The following NEMP1 variants were observed in gnomAD, a reference collection of about 807,000 sequenced individuals.
The protein encoded by NEMP1 is transmembrane protein 194.
NEMP1 carries 29 observed loss-of-function variants against 53.7 expected under a neutral mutation model. The observed-to-expected ratio is 0.54, with a 90% CI of 0.40 to 0.74. The LOEUF (loss-of-function observed/expected upper bound fraction) is 0.74. NEMP1 is among the 30% of genes least tolerant of loss of function. The pLI is 0.00. For synonymous variants in NEMP1, 193 were observed against 192.9 expected (o/e 1.00, Z 0.00); for missense variants, 477 against 528.6 (o/e 0.90, Z 0.96).
Position 57,064,274 on chromosome 12 carries a change from A to T in NEMP1, c.640-89T>A, listed in dbSNP as rs2305349. ...AAAATGGAACTATGATTTTTTTTTT[A>T]AAAAATTCAACCTACTCAAAATGCA... On this transcript the variant is annotated intron_variant, in intron 5 of 8. Coordinates refer to ENST00000300128, the MANE Select transcript of NEMP1 (RefSeq NM_001130963.2). 2.5e-3 allele frequency: 1,869 copies of T among 760,150 alleles called. 16 individuals carry two copies. The Admixed American group carries it at 0.026, about 10-fold the overall frequency. 47.1% of individuals were successfully genotyped at this position (760,150 alleles called of 1,614,324 possible). A position where few individuals can be genotyped will look rare whatever the true frequency, so the allele number is the denominator to read the frequency against.
At position 57,058,564 on chromosome 12, in the gene NEMP1, T is replaced by G. The variant is rs1470123595; in HGVS notation, c.*1315A>C. On this transcript the variant is annotated 3_prime_UTR_variant, in exon 9 of 9. Transcript: ENST00000300128. ...GGGGTACTTTGCAATGGCAAAAGAA[T>G]CTGAAACTAATGCTACTGCAATAAC... 1 of 152,228 alleles carries G rather than the reference T, an allele frequency of 6.6e-6. No individual in the cohort carries two copies. Among genetic ancestry groups the G allele is most frequent in the Non-Finnish European group, 1.5e-5 (1 of 68,046 alleles). 9.4% of individuals were successfully genotyped at this position (152,228 alleles called of 1,614,324 possible).
At chr12:57,060,086 A>C (rs772065071) in intron 8 of NEMP1, 27 bp from the exon 9 acceptor site, 4 of 1,605,768 alleles carry the variant, frequency 2.5e-6, no homozygotes, top group Non-Finnish European at 3.4e-6. Flanking sequence ...AATACTCGTT[A>C]GAAATATCCT....
Position 57,058,423 on chromosome 12 carries a change from A to G in NEMP1, c.*1456T>C, listed in dbSNP as rs2031634453. ...GCCATGACCATCTATCTTCCTGGCTAAGGTAATTACAGACTTTTCCAGGGT... is the reference window on the plus strand; with the variant it reads ...GCCATGACCATCTATCTTCCTGGCTGAGGTAATTACAGACTTTTCCAGGGT... On this transcript the variant is annotated 3_prime_UTR_variant, in exon 9 of 9. Transcript: ENST00000300128. 6.6e-6 allele frequency: 1 copy of G among 152,220 alleles called. No individual in the cohort carries two copies. Among genetic ancestry groups the G allele is most frequent in the South Asian group, 2.1e-4 (1 of 4,832 alleles). The allele number at this position is 152,220 out of a possible 1,614,324, so 9.4% of individuals were successfully genotyped here.
chr12:57,070,608 T>G, intron 3 of NEMP1, 66 bp downstream of exon 3: 1 of 1,380,604 alleles, frequency 7.2e-7, no homozygotes, highest in Non-Finnish European at 1.0e-6. Flanking sequence ...GTCTCACTAA[T>G]TATACCCTTC....
intron 4 of NEMP1, among the ~76,000 whole-genome samples, chr12:57,067,323 CAAA>C (rs1257920660): frequency 3.5e-5 from 3 of 85,686 alleles, no homozygotes; most frequent in African/African-American, 4.5e-5. Context: ...GACTCTGTCT[CAAA>C]AAAAAAAAAA....
chr12:57,064,619 G>C (rs751241313), intron 5 of NEMP1, 27 bp downstream of exon 5: 142 of 1,538,424 alleles, frequency 9.2e-5, no homozygotes, highest in Non-Finnish European at 1.2e-4. Context: ...ATTCATTCTA[G>C]CTGCACATGA....
intron 1 of NEMP1, among the ~76,000 whole-genome samples, chr12:57,083,876 C>T (rs1229216709): frequency 6.6e-6 from 1 of 152,224 alleles, no homozygotes; most frequent in African/African-American, 2.4e-5. Context: ...CAGGTTCAAG[C>T]GATTCTCATG....
At position 57,072,923 on chromosome 12, in the gene NEMP1, AG is replaced by A; in HGVS notation, c.128-12del. ...TTACATCAGTTTCAGCTTTATGCAA[AG>A]AAAGGAAACAAGAATTAAACATAAC... On this transcript the variant is annotated splice_polypyrimidine_tract_variant and intron_variant, in intron 1 of 8. Coordinates refer to ENST00000300128, the MANE Select transcript of NEMP1 (RefSeq NM_001130963.2). 2 of 1,600,026 alleles carry A rather than the reference AG, an allele frequency of 1.2e-6. No homozygotes were observed. The highest frequency in any genetic ancestry group is 2.7e-5 in the African/African-American group (2 of 74,424).
At chr12:57,077,497 T>TCAAA (rs563762944) in intron 1 of NEMP1, among the ~76,000 whole-genome samples, 20 of 151,868 alleles carry the variant, frequency 1.3e-4, no homozygotes, top group African/African-American at 2.4e-4. Flanking sequence ...AAACTCCATC[T>TCAAA]CAAACAAACA....
At chr12:57,087,254 C>T (rs2033029324) in intron 1 of NEMP1, among the ~76,000 whole-genome samples, 1 of 143,880 alleles carries the variant, frequency 7.0e-6, no homozygotes, top group African/African-American at 2.5e-5. Flanking sequence ...CCTCCTTGGG[C>T]GGGCGTCTCC....
chr12:57,083,030 T>A (rs2032893283), upstream of NEMP1, among the ~76,000 whole-genome samples: 1 of 151,688 alleles, frequency 6.6e-6, no homozygotes, highest in African/African-American at 2.4e-5. Context: ...AATAAATAAA[T>A]AAAATAAAAT....
rs898585651 is a variant in NEMP1, at chr12:57,057,002, T to C, written c.*2877A>G. On this transcript the variant is annotated 3_prime_UTR_variant, in exon 9 of 9. Coordinates refer to ENST00000300128, the MANE Select transcript of NEMP1 (RefSeq NM_001130963.2). ...TGCAGTGGCTAACAGGAATTACTTA[T>C]TAGAAGGTAATGAAGTTGCTAAATT... The C allele has an allele frequency of 6.6e-6, 1 of 152,206 alleles. No individual in the cohort carries two copies. The highest frequency in any genetic ancestry group is 2.4e-5 in the African/African-American group (1 of 41,446). The allele number at this position is 152,206 out of a possible 1,614,324, so 9.4% of individuals were successfully genotyped here. A position where few individuals can be genotyped will look rare whatever the true frequency, so the allele number is the denominator to read the frequency against.
At chr12:57,085,991 A>G (rs2032979236) in intron 1 of NEMP1, among the ~76,000 whole-genome samples, 1 of 152,210 alleles carries the variant, frequency 6.6e-6, no homozygotes, top group South Asian at 2.1e-4. Context: ...TTTCGGCTGA[A>G]ACAAGCAACT....
chr12:57,085,392 T>C (rs1233127403), intron 1 of NEMP1, among the ~76,000 whole-genome samples: 1 of 152,154 alleles, frequency 6.6e-6, no homozygotes, highest in Non-Finnish European at 1.5e-5. Flanking sequence ...TTTGGATGCC[T>C]GTCTAAACCA....
chr12:57,066,238 G>C (rs1358592994), intron 4 of NEMP1, among the ~76,000 whole-genome samples: 1 of 152,122 alleles, frequency 6.6e-6, no homozygotes, highest in African/African-American at 2.4e-5. Context: ...CTGGGCAAGA[G>C]AGCAAGACTC....
chr12:57,072,642 C>A, intron 2 of NEMP1, 146 bp downstream of exon 2: 1 of 840,920 alleles, frequency 1.2e-6, no homozygotes, highest in Non-Finnish European at 1.8e-6. Context: ...TTGATGAAAA[C>A]ACAACTCAGG....
rs771404399 is a variant in NEMP1 at position 57,078,677 on chromosome 12, C to A, written c.69G>T (p.Gly23=). The change falls in exon 1 of 9, where the codon GGG becomes GGT. Residue 23 remains glycine, a synonymous_variant. Coordinates refer to ENST00000300128, the MANE Select transcript of NEMP1 (RefSeq NM_001130963.2). ...VGPGPWGSGV[G]GGGTVRLLLI... ...AGAGTAGCCGCACTGTCCCACCGCC[C>A]CCGACTCCCGAGCCCCAGGGCCCGG... is the stretch of plus-strand genomic sequence containing the variant. The A allele has an allele frequency of 9.3e-6, 15 of 1,613,586 alleles. No individual in the cohort carries two copies. The South Asian group carries it at 1.5e-4, about 17-fold the overall frequency.
chr12:57,062,070 C>G (rs576576509), intron 7 of NEMP1, among the ~76,000 whole-genome samples: 1 of 152,256 alleles, frequency 6.6e-6, no homozygotes, highest in East Asian at 1.9e-4. Context: ...CTATAATAGA[C>G]AACTTCAGGA....
rs2032238715 is a variant in NEMP1, at chr12:57,069,268, G to A, written c.511C>T (p.Leu171Phe). 6.5e-7 allele frequency: 1 copy of A among 1,546,762 alleles called. No individual in the cohort carries two copies. The highest frequency in any genetic ancestry group is 8.7e-7 in the Non-Finnish European group (1 of 1,145,784). Residue 171 changes from leucine (L) to phenylalanine (F), a missense_variant, in exon 4 of 9, where the codon CTT becomes TTT. Physicochemically the swap from Leu to Phe is conservative, Grantham distance 22 (BLOSUM62 0). Coordinates refer to ENST00000300128, the MANE Select transcript of NEMP1 (RefSeq NM_001130963.2). ...PKLFLVFLLG[L>F]MLFFCGDLLS... ...AAGTCTCCACAAAAAAATAGCATAAGTCCAAGAAGGAAAACAAGAAAGAGT... is the reference window on the plus strand; with the variant it reads ...AAGTCTCCACAAAAAAATAGCATAAATCCAAGAAGGAAAACAAGAAAGAGT...
Sources: gnomAD v4.1 joint callset for allele counts (sites outside exome capture counted in the v4.1 genomes callset) on GRCh38, gnomAD v4.1.1 for gene constraint, MANE v1.5 for transcripts, NCBI Gene and HGNC (gene_info 2026-07-23, HGNC 2026-07-21) for gene names.